Variants in RARB observed in about 807,000 individuals in gnomAD.
The protein encoded by RARB is HBV-activated protein.
In RARB, 17 loss-of-function variants were observed where a neutral mutation model predicts 51.9. The ratio of observed to expected loss-of-function variants is 0.33; its 90% CI spans 0.22 to 0.49. RARB has a LOEUF of 0.49. Ranked by LOEUF, RARB falls within the 20% of genes least tolerant of loss-of-function variation. The probability of loss-of-function intolerance (pLI) is 0.99; values close to 1 mark genes in which losing one functional copy is unlikely to be tolerated. For synonymous variants in RARB, 215 were observed against 195.4 expected, an observed-to-expected ratio of 1.10 and a Z score of -0.84; for missense variants, 369 against 550.8, an observed-to-expected ratio of 0.67 and a Z score of 3.30.
intron 5 of RARB, among the ~76,000 whole-genome samples, chr3:25,384,967 C>A (rs907899593): frequency 6.6e-6 from 1 of 152,136 alleles, no homozygotes; most frequent in East Asian, 1.9e-4. Context: ...CTCTGGATGG[C>A]ACCTACAGTC....
At chr3:25,096,850 G>C (rs954480733) in intron 3 of RARB, among the ~76,000 whole-genome samples, 3 of 152,130 alleles carry the variant, frequency 2.0e-5, no homozygotes, top group African/African-American at 7.2e-5. Flanking sequence ...TAAGAAAGTG[G>C]CTAGCAACTA....
intron 4 of RARB, among the ~76,000 whole-genome samples, chr3:25,157,867 T>C (rs1700405250): frequency 6.6e-6 from 1 of 152,260 alleles, no homozygotes; most frequent in Admixed American, 6.5e-5. Flanking sequence ...CCTCTTTATT[T>C]GCACGGTGTG....
intron 5 of RARB, among the ~76,000 whole-genome samples, chr3:25,289,079 G>A (rs1217094524): frequency 6.6e-6 from 1 of 152,210 alleles, no homozygotes; most frequent in Non-Finnish European, 1.5e-5. Context: ...GCCTGGACCA[G>A]CAGAGAAGCC....
chr3:25,068,814 G>A (rs926204661), intron 3 of RARB, among the ~76,000 whole-genome samples: 1 of 152,110 alleles, frequency 6.6e-6, no homozygotes, highest in African/African-American at 2.4e-5. Flanking sequence ...ATGCTCAGGG[G>A]AAGAGCGGCT....
chr3:25,223,425 A>G (rs1701990328), intron 5 of RARB, among the ~76,000 whole-genome samples: 1 of 152,238 alleles, frequency 6.6e-6, no homozygotes, highest in African/African-American at 2.4e-5. Context: ...TTTGATAACA[A>G]GCATAAAGGT....
intron 5 of RARB, among the ~76,000 whole-genome samples, chr3:25,367,485 G>A (rs867993516): frequency 6.6e-6 from 1 of 152,038 alleles, no homozygotes; most frequent in Non-Finnish European, 1.5e-5. Context: ...CCCAATAAAT[G>A]CTGGTGGGAT....
intron 4 of RARB, among the ~76,000 whole-genome samples, chr3:25,146,653 T>C (rs1180698011): frequency 6.6e-6 from 1 of 151,682 alleles, no homozygotes; most frequent in African/African-American, 2.4e-5. Flanking sequence ...GACTAGCGCC[T>C]GCCACCGCGC....
At chr3:25,448,244 C>T (rs182225155) in intron 1 of RARB, among the ~76,000 whole-genome samples, 1 of 152,178 alleles carries the variant, frequency 6.6e-6, no homozygotes, top group East Asian at 1.9e-4. Flanking sequence ...AAAAAAAGAC[C>T]TGAACCTTGG....
At position 24,989,078 on chromosome 3, in the gene RARB, G is replaced by A. The variant is rs185060626; in HGVS notation, c.-379-71047G>A. ...TGACCTTTGGTAATCTGCCTGTCTC[G>A]GCCTCCCAAAGTGCTGGGATTACAG... On this transcript the variant is annotated intron_variant, in intron 2 of 11. Coordinates refer to the RARB transcript ENST00000383772. 1.0e-3 allele frequency among the ~76,000 whole-genome samples: 156 copies of A among 152,068 alleles called. 1 individual carries two copies. Among genetic ancestry groups the A allele is most frequent in the Middle Eastern group, 6.8e-3 (2 of 294 alleles).
chr3:25,551,166 T>C (rs1346800407), intron 3 of RARB, among the ~76,000 whole-genome samples: 3 of 152,118 alleles, frequency 2.0e-5, no homozygotes, highest in East Asian at 1.9e-4. Flanking sequence ...GCTGTCCTCA[T>C]AGTGGGGACC....
At chr3:25,041,626 T>G (rs1387804573) in intron 2 of RARB, among the ~76,000 whole-genome samples, 1 of 152,186 alleles carries the variant, frequency 6.6e-6, no homozygotes, top group East Asian at 1.9e-4. Context: ...TAAGAATGTT[T>G]TTTTTTAATC....
chr3:25,018,623 A>C (rs1224993985), intron 2 of RARB, among the ~76,000 whole-genome samples: 1 of 152,200 alleles, frequency 6.6e-6, no homozygotes, highest in Non-Finnish European at 1.5e-5. Flanking sequence ...AGCAGGTCAC[A>C]GTCATTTGAA....
At chr3:24,967,983 G>A (rs1374662328) in intron 2 of RARB, among the ~76,000 whole-genome samples, 1 of 152,134 alleles carries the variant, frequency 6.6e-6, no homozygotes, top group Non-Finnish European at 1.5e-5. Context: ...TAACAGACAG[G>A]ATGTTTTCTA....
intron 2 of RARB, among the ~76,000 whole-genome samples, chr3:24,974,484 T>C (rs1559417762): frequency 6.6e-6 from 1 of 152,082 alleles, no homozygotes; most frequent in African/African-American, 2.4e-5. Context: ...TTGGTTCCGA[T>C]GTCATGGATG....
intron 5 of RARB, among the ~76,000 whole-genome samples, chr3:25,279,744 A>G (rs7615966): frequency 0.029 from 4,423 of 152,216 alleles, 192 homozygotes; most frequent in African/African-American, 0.094. Context: ...GTTGAGGACT[A>G]GTGATATATT....
At chr3:25,308,213 CT>C (rs1704199021) in intron 5 of RARB, among the ~76,000 whole-genome samples, 1 of 152,146 alleles carries the variant, frequency 6.6e-6, no homozygotes, top group Non-Finnish European at 1.5e-5. Flanking sequence ...TCACAATAAT[CT>C]TTTTGCTATT....
At chr3:24,855,845 G>A (rs945547709) in intron 1 of RARB, among the ~76,000 whole-genome samples, 5 of 147,556 alleles carry the variant, frequency 3.4e-5, no homozygotes, top group Admixed American at 6.9e-5. Flanking sequence ...TCCGCGTCCC[G>A]GGTTCATGCC....
At chr3:24,961,577 G>A (rs1459806045) in intron 2 of RARB, among the ~76,000 whole-genome samples, 1 of 151,926 alleles carries the variant, frequency 6.6e-6, no homozygotes, top group East Asian at 1.9e-4. Flanking sequence ...AGACTTTCCA[G>A]GTTGTTCAGA....
At chr3:25,418,944 CA>C (rs36025962) in intron 5 of RARB, among the ~76,000 whole-genome samples, 1,542 of 108,430 alleles carry the variant, frequency 0.014, 26 homozygotes, top group African/African-American at 0.045. Context: ...ACAGACTAAC[CA>C]AAAAAAAAAA....
Sources: gnomAD v4.1 joint callset for allele counts (sites outside exome capture counted in the v4.1 genomes callset) on GRCh38, gnomAD v4.1.1 for gene constraint, MANE v1.5 for transcripts, NCBI Gene and HGNC (gene_info 2026-07-23, HGNC 2026-07-21) for gene names.